Variants in HEG1 observed in about 807,000 individuals in gnomAD.
The protein encoded by HEG1 is heart development protein with EGF like domains 1, also known as protein HEG homolog 1.
A neutral mutation model predicts 125.6 loss-of-function variants in HEG1; 56 were observed. That is an observed-to-expected ratio of 0.45 (90% CI 0.36 to 0.56). The LOEUF (loss-of-function observed/expected upper bound fraction) is 0.56, where lower values mean the gene tolerates loss of function less well. HEG1 is among the 20% of genes least tolerant of loss of function. HEG1 has a pLI of 0.00. For synonymous variants in HEG1, 644 were observed against 668.5 expected, an observed-to-expected ratio of 0.96 and a Z score of 0.57; for missense variants, 1,523 against 1,670.0, an observed-to-expected ratio of 0.91 and a Z score of 1.53.
At chr3:125,009,909 C>T (rs1937126662) in intron 7 of HEG1, 85 bp from the exon 8 acceptor site, 3 of 1,368,386 alleles carry the variant, frequency 2.2e-6, no homozygotes, top group Non-Finnish European at 3.0e-6. Flanking sequence ...TTACTAAGGG[C>T]CAAATGGTGC....
At chr3:124,973,208 C>T (rs561576050) in intron 16 of HEG1, among the ~76,000 whole-genome samples, 3 of 151,748 alleles carry the variant, frequency 2.0e-5, no homozygotes, top group South Asian at 2.1e-4. Flanking sequence ...GAGAGGAGCA[C>T]GGTTTCTGTA....
chr3:125,031,095 G>A (rs1401514877), intron 1 of HEG1, among the ~76,000 whole-genome samples: 4 of 152,144 alleles, frequency 2.6e-5, no homozygotes, highest in Non-Finnish European at 5.9e-5. Flanking sequence ...GTTAAATTGG[G>A]CAAAAGGAAG....
chr3:125,055,896 C>G lies in HEG1; in HGVS notation c.-6G>C, dbSNP rs1183869730. The G allele has an allele frequency of 1.0e-6, 1 of 980,182 alleles. No individual in the cohort carries two copies. The allele number at this position is 980,182 out of a possible 1,614,324, so 60.7% of individuals were successfully genotyped here. ...GAGGCGCGCGGCGAGGCCATGGTGA[C>G]GGCGCCCGCCCGCGCTCACATGCCC... On this transcript the variant is annotated 5_prime_UTR_variant, in exon 1 of 17. Transcript: ENST00000311127.
At chr3:125,005,118 T>C (rs1937053738) in intron 9 of HEG1, 147 bp downstream of exon 9, 2 of 614,642 alleles carry the variant, frequency 3.3e-6, no homozygotes, top group African/African-American at 1.9e-5. Context: ...TGAAAGGCTT[T>C]TTCTTTAACC....
intron 1 of HEG1, among the ~76,000 whole-genome samples, chr3:125,046,030 ATCC>A (rs1356340574): frequency 2.6e-5 from 4 of 152,102 alleles, no homozygotes. Flanking sequence ...AGTCTTTATT[ATCC>A]TCATTTTTAA....
intron 1 of HEG1, among the ~76,000 whole-genome samples, chr3:125,034,604 C>T (rs1280100725): frequency 2.0e-5 from 3 of 152,048 alleles, no homozygotes; most frequent in African/African-American, 7.2e-5. Flanking sequence ...TCAAGACCAG[C>T]CTGGGCAACA....
At chr3:124,986,439 T>C (rs371029645) in intron 14 of HEG1, among the ~76,000 whole-genome samples, 1 of 152,172 alleles carries the variant, frequency 6.6e-6, no homozygotes, top group Non-Finnish European at 1.5e-5. Context: ...ACTCCCAATA[T>C]GCTATCACCA....
chr3:125,054,825 T>A (rs1177947449), intron 1 of HEG1, among the ~76,000 whole-genome samples: 1 of 152,088 alleles, frequency 6.6e-6, no homozygotes, highest in Non-Finnish European at 1.5e-5. Context: ...GTCATAATGG[T>A]ATTATGGTTA....
At chr3:125,046,189 GCA>G (rs1937661035) in intron 1 of HEG1, among the ~76,000 whole-genome samples, 1 of 152,034 alleles carries the variant, frequency 6.6e-6, no homozygotes, top group South Asian at 2.1e-4. Context: ...ACAGCCAGTA[GCA>G]CTCCATTACC....
chr3:125,021,218 T>C lies in HEG1; in HGVS notation c.914-88A>G. On this transcript the variant is annotated intron_variant, in intron 3 of 16. Coordinates refer to ENST00000311127, the MANE Select transcript of HEG1 (RefSeq NM_020733.2). The stretch of plus-strand genomic sequence containing the variant: ...CGAGATACAAATGACGTTTCTTACA[T>C]TTTGGTGGATACATCTAAATACCAT... 1.5e-5 allele frequency: 15 copies of C among 999,584 alleles called. 1 individual carries two copies. In the South Asian group the frequency reaches 2.5e-4, roughly 17 times the overall value. 61.9% of individuals were successfully genotyped at this position (999,584 alleles called of 1,614,324 possible).
intron 12 of HEG1, among the ~76,000 whole-genome samples, chr3:124,994,237 C>T (rs1274646629): frequency 6.6e-6 from 1 of 152,202 alleles, no homozygotes; most frequent in Non-Finnish European, 1.5e-5. Context: ...GAATCTAATG[C>T]TGCCGCTGAT....
chr3:125,001,405 T>C (rs1227517290), intron 11 of HEG1, among the ~76,000 whole-genome samples: 1 of 152,080 alleles, frequency 6.6e-6, no homozygotes, highest in Non-Finnish European at 1.5e-5. Flanking sequence ...CAGCCTCCCA[T>C]AGTACTGGGA....
At position 125,013,215 on chromosome 3, in the gene HEG1, T is replaced by C. The variant is rs1937183936; in HGVS notation, c.2364A>G (p.Lys788=). 1 of 1,614,036 alleles carries C rather than the reference T, an allele frequency of 6.2e-7. No individual in the cohort carries two copies. The highest frequency in any genetic ancestry group is 8.5e-7 in the Non-Finnish European group (1 of 1,179,904). ...LKSQSTPHQE[K]VITESKSPSL... The stretch of plus-strand genomic sequence containing the variant: ...TTGGTGACTTTGATTCTGTAATGAC[T>C]TTCTCTTGGTGTGGGGTGCTCTGGC... Residue 788 remains lysine, a synonymous_variant, in exon 6 of 17, where the codon AAA becomes AAG. Coordinates refer to ENST00000311127, the MANE Select transcript of HEG1 (RefSeq NM_020733.2).
At chr3:125,004,898 GT>G (rs2107697406) in intron 9 of HEG1, among the ~76,000 whole-genome samples, 1 of 152,278 alleles carries the variant, frequency 6.6e-6, no homozygotes, top group Admixed American at 6.5e-5. Flanking sequence ...CAAGAGGAAA[GT>G]CACACAGCCT....
chr3:125,014,630 T>C, intron 5 of HEG1: 3 of 1,113,028 alleles, frequency 2.7e-6, no homozygotes, highest in Non-Finnish European at 2.3e-6. Flanking sequence ...GCTTGACAGC[T>C]AACTGAATCA....
At chr3:124,991,837 T>A (rs1936838473) in intron 12 of HEG1, among the ~76,000 whole-genome samples, 1 of 152,156 alleles carries the variant, frequency 6.6e-6, no homozygotes, top group Admixed American at 6.5e-5. Flanking sequence ...CTCAAACTCC[T>A]GACCTCAGAT....
At chr3:125,018,801 G>T (rs1430549018) in intron 5 of HEG1, among the ~76,000 whole-genome samples, 1 of 149,790 alleles carries the variant, frequency 6.7e-6, no homozygotes, top group African/African-American at 2.4e-5. Flanking sequence ...CCAGCTAGAA[G>T]AAGGGCCTGG....
chr3:124,973,209 G>A lies in HEG1; in HGVS notation c.3996+522C>T, dbSNP rs1235306618. Among the ~76,000 whole-genome samples, 4 of 151,668 alleles carry A rather than the reference G, an allele frequency of 2.6e-5. No individual in the cohort carries two copies. The East Asian group carries it at 5.8e-4, about 22-fold the overall frequency. Reference sequence around the variant, plus strand: ...GCTAATTTTTTGTAGAGAGGAGCACGGTTTCTGTAGAGACATGATTTCACC... The same window carrying A: ...GCTAATTTTTTGTAGAGAGGAGCACAGTTTCTGTAGAGACATGATTTCACC... On this transcript the variant is annotated intron_variant, in intron 16 of 16. Transcript: ENST00000311127.
intron 12 of HEG1, among the ~76,000 whole-genome samples, chr3:124,994,688 T>C (rs1579405536): frequency 1.3e-5 from 2 of 152,098 alleles, no homozygotes; most frequent in African/African-American, 4.8e-5. Flanking sequence ...GTATTTTTAG[T>C]ACAGACAGGG....
Sources: gnomAD v4.1 joint callset for allele counts (sites outside exome capture counted in the v4.1 genomes callset) on GRCh38, gnomAD v4.1.1 for gene constraint, MANE v1.5 for transcripts, NCBI Gene and HGNC (gene_info 2026-07-23, HGNC 2026-07-21) for gene names.